The following PTPN22 variants were observed in gnomAD, a reference collection of about 807,000 sequenced individuals.
The protein encoded by PTPN22 is protein tyrosine phosphatase non-receptor type 22.
In PTPN22, 85 loss-of-function variants were observed where a neutral mutation model predicts 103.3. That is an observed-to-expected ratio of 0.82 (90% CI 0.69 to 0.99). PTPN22 has a LOEUF of 0.99. PTPN22 is among the 50% of genes least tolerant of loss of function. The pLI is 0.00. For missense variants in PTPN22, 865 were observed against 936.9 expected (o/e 0.92, Z 1.00); for synonymous variants, 323 against 310.2 (o/e 1.04, Z -0.43).
chr1:113,825,664 C>T (rs1166549508), intron 18 of PTPN22, among the ~76,000 whole-genome samples: 1 of 152,128 alleles, frequency 6.6e-6, no homozygotes, highest in Non-Finnish European at 1.5e-5. Flanking sequence ...CCAGCCTGGG[C>T]GACAGAGTGA....
chr1:113,858,867 G>C (rs896316625), intron 3 of PTPN22, 135 bp downstream of exon 3: 6 of 1,404,076 alleles, frequency 4.3e-6, no homozygotes, highest in African/African-American at 1.5e-5. Context: ...TGAAATTCTT[G>C]CGTTCAAGTG....
intron 10 of PTPN22, among the ~76,000 whole-genome samples, 198 bp downstream of exon 10, chr1:113,851,829 A>G (rs1216498709): frequency 6.6e-6 from 1 of 152,230 alleles, no homozygotes; most frequent in Non-Finnish European, 1.5e-5. Context: ...TAAGGAATGA[A>G]AGGAATTTGA....
intron 1 of PTPN22, among the ~76,000 whole-genome samples, chr1:113,863,828 C>A (rs997721425): frequency 1.4e-4 from 21 of 150,942 alleles, no homozygotes; most frequent in African/African-American, 4.6e-4. Flanking sequence ...ATAGTTTAAA[C>A]TGTTAGCACC....
At chr1:113,839,832 T>C (rs1663371273) in intron 11 of PTPN22, among the ~76,000 whole-genome samples, 1 of 152,156 alleles carries the variant, frequency 6.6e-6, no homozygotes, top group Admixed American at 6.5e-5. Context: ...CTTTTACCAC[T>C]TCTATTCAAC....
At chr1:113,836,461 T>C (rs917002640) in intron 13 of PTPN22, among the ~76,000 whole-genome samples, 1 of 152,234 alleles carries the variant, frequency 6.6e-6, no homozygotes, top group African/African-American at 2.4e-5. Context: ...ACGAGATTAC[T>C]ACAAAAGAGC....
At position 113,857,598 on chromosome 1, in the gene PTPN22, C is replaced by T. The variant is rs547913890; in HGVS notation, c.408+140G>A. On this transcript the variant is annotated intron_variant, in intron 5 of 20. Coordinates refer to ENST00000359785, the Ensembl canonical transcript of PTPN22. The stretch of plus-strand genomic sequence containing the variant: ...GAAAAAAAAAATCCTCTGAGAATCA[C>T]GTGGCATTCCCAAACTGAAAACTAT... The T allele has an allele frequency of 4.0e-5, 27 of 678,908 alleles. No individual in the cohort carries two copies. In the African/African-American group the frequency reaches 4.3e-4, roughly 11 times the overall value. The allele number at this position is 678,908 out of a possible 1,614,324, so 42.1% of individuals were successfully genotyped here. A position where few individuals can be genotyped will look rare whatever the true frequency, so the allele number is the denominator to read the frequency against.
Position 113,864,114 on chromosome 1 carries a change from AACAG to A in PTPN22, c.88-4658_88-4655del, listed in dbSNP as rs1665897324. On this transcript the variant is annotated intron_variant, in intron 1 of 20. Coordinates refer to ENST00000359785, the Ensembl canonical transcript of PTPN22. ...CAAAAAGAGCAAAACTCCATCTCAA[AACAG>A]ACAAACAAACAAACAAACAAAAAAC... 8.3e-6 allele frequency: 3 copies of A among 362,836 alleles called. No homozygotes were observed. The Admixed American group carries it at 1.0e-4, about 12-fold the overall frequency. The allele number at this position is 362,836 out of a possible 1,614,324, so 22.5% of individuals were successfully genotyped here.
chr1:113,859,592 G>T (rs1019044916), intron 1 of PTPN22, 132 bp from the exon 2 acceptor site: 3 of 704,186 alleles, frequency 4.3e-6, no homozygotes, highest in Non-Finnish European at 7.1e-6. Flanking sequence ...TTCTGACTCC[G>T]TTCAGGACAG....
chr1:113,842,201 C>A (rs1663611652), intron 11 of PTPN22, among the ~76,000 whole-genome samples: 1 of 151,308 alleles, frequency 6.6e-6, no homozygotes, highest in Admixed American at 6.6e-5. Context: ...CAGAGCAAGA[C>A]CCTGACTAAA....
At chr1:113,852,182 TC>T in intron 9 of PTPN22, 78 bp from the exon 10 acceptor site, 1 of 1,039,312 alleles carries the variant, frequency 9.6e-7, no homozygotes, top group Non-Finnish European at 1.4e-6. Flanking sequence ...GTCTTGTACT[TC>T]CATGGCATCT....
chr1:113,855,520 A>G (rs1349365859), intron 7 of PTPN22, among the ~76,000 whole-genome samples: 2 of 151,964 alleles, frequency 1.3e-5, no homozygotes, highest in African/African-American at 2.4e-5. Context: ...AAAAAAAAAA[A>G]AAAAAAAGTT....
At position 113,819,516 on chromosome 1, in the gene PTPN22, T is replaced by C. The variant is rs1404593844; in HGVS notation, c.2359+61A>G. ...AAATCATATTTAAAGTTGAATCAGT[T>C]ATACTGTAAATGAGTAATTTAGGTA... On this transcript the variant is annotated intron_variant, in intron 20 of 20. Coordinates refer to ENST00000359785, the Ensembl canonical transcript of PTPN22. 4.7e-6 allele frequency: 6 copies of C among 1,278,186 alleles called. No homozygotes were observed. The East Asian group carries it at 1.4e-4, about 30-fold the overall frequency. The allele number at this position is 1,278,186 out of a possible 1,614,324, so 79.2% of individuals were successfully genotyped here. A position where few individuals can be genotyped will look rare whatever the true frequency, so the allele number is the denominator to read the frequency against.
chr1:113,870,297 T>A (rs892703403), intron 1 of PTPN22, among the ~76,000 whole-genome samples: 1 of 152,072 alleles, frequency 6.6e-6, no homozygotes, highest in Non-Finnish European at 1.5e-5. Context: ...CATAATTTGG[T>A]GAAAAAAAAT....
At chr1:113,819,718 G>C in intron 19 of PTPN22, 64 bp from the exon 20 acceptor site, 1 of 1,066,706 alleles carries the variant, frequency 9.4e-7, no homozygotes, top group South Asian at 1.8e-5. Context: ...CTGTTGATCA[G>C]ATCACATATA....
At position 113,816,237 on chromosome 1, in the gene PTPN22, C is replaced by T. The variant is rs116645301; in HGVS notation, c.2360-1268G>A. Among the ~76,000 whole-genome samples the T allele has an allele frequency of 2.3e-3, 346 of 152,090 alleles. 4 individuals carry two copies. The highest frequency in any genetic ancestry group is 8.0e-3 in the African/African-American group (331 of 41,488). Reference sequence around the variant, plus strand: ...TTGAATAATCCCACACTTTGGGAGGCCAAGGCAGGTGGATCGCTTGAGCCG... The same window carrying T: ...TTGAATAATCCCACACTTTGGGAGGTCAAGGCAGGTGGATCGCTTGAGCCG... On this transcript the variant is annotated intron_variant, in intron 20 of 20. Transcript: ENST00000359785.
intron 1 of PTPN22, among the ~76,000 whole-genome samples, chr1:113,867,483 A>G (rs1666210782): frequency 6.6e-6 from 1 of 152,198 alleles, no homozygotes; most frequent in African/African-American, 2.4e-5. Flanking sequence ...AAGGAGTAGT[A>G]AATAAGAAAA....
At chr1:113,817,517 A>T (rs1404263103) in intron 20 of PTPN22, among the ~76,000 whole-genome samples, 1 of 152,086 alleles carries the variant, frequency 6.6e-6, no homozygotes, top group Non-Finnish European at 1.5e-5. Context: ...GGCTCACTGC[A>T]GCCTCAACCT....
intron 1 of PTPN22, 46 bp downstream of exon 1, chr1:113,871,491 A>T: frequency 6.5e-7 from 1 of 1,533,838 alleles, no homozygotes; most frequent in Non-Finnish European, 9.0e-7. Context: ...ATAGTCAGTT[A>T]AATAGTGTAT....
chr1:113,819,601 T>A (rs1661426940), exon 20 of PTPN22: 4 of 1,608,620 alleles, frequency 2.5e-6, no homozygotes, highest in Middle Eastern at 3.3e-4. Context: ...GAGCTGGAGT[T>A]ATTTGACTGA....
Sources: gnomAD v4.1 joint callset for allele counts (sites outside exome capture counted in the v4.1 genomes callset) on GRCh38, gnomAD v4.1.1 for gene constraint, MANE v1.5 for transcripts, NCBI Gene and HGNC (gene_info 2026-07-23, HGNC 2026-07-21) for gene names.